The following NSRP1 variants were observed in gnomAD, a reference collection of about 807,000 sequenced individuals.
NSRP1 encodes coiled-coil domain containing 55.
Under a neutral mutation model 54.7 loss-of-function variants are expected in NSRP1, and 24 were observed. The observed-to-expected ratio is 0.44, with a 90% CI of 0.32 to 0.62. The LOEUF (loss-of-function observed/expected upper bound fraction) is 0.62. NSRP1 is among the 20% of genes least tolerant of loss of function. The pLI is 0.06. For synonymous variants in NSRP1, 210 were observed against 213.8 expected, an observed-to-expected ratio of 0.98 and a Z score of 0.15; for missense variants, 596 against 651.2, an observed-to-expected ratio of 0.92 and a Z score of 0.92.
intron 1 of NSRP1, among the ~76,000 whole-genome samples, chr17:30,117,735 T>C (rs1037302025): frequency 6.6e-6 from 1 of 151,362 alleles, no homozygotes; most frequent in Admixed American, 6.6e-5. Flanking sequence ...TTAGTGGACA[T>C]GAACTAAACT....
At chr17:30,155,418 T>C (rs2071952540) in intron 2 of NSRP1, among the ~76,000 whole-genome samples, 1 of 152,236 alleles carries the variant, frequency 6.6e-6, no homozygotes, top group South Asian at 2.1e-4. Flanking sequence ...CTGTTCAATA[T>C]GATATTTTTC....
chr17:30,137,275 C>T (rs2071758782), intron 2 of NSRP1, among the ~76,000 whole-genome samples: 1 of 152,310 alleles, frequency 6.6e-6, no homozygotes, highest in African/African-American at 2.4e-5. Flanking sequence ...GCAATCCTCT[C>T]TACTGAGTTT....
intron 6 of NSRP1, among the ~76,000 whole-genome samples, chr17:30,182,766 C>T (rs904141223): frequency 1.3e-5 from 2 of 151,926 alleles, no homozygotes; most frequent in Non-Finnish European, 2.9e-5. Context: ...AATCCCGTCT[C>T]TACTAAAAAT....
At chr17:30,145,868 T>C (rs921755762) in intron 2 of NSRP1, among the ~76,000 whole-genome samples, 4 of 152,176 alleles carry the variant, frequency 2.6e-5, no homozygotes, top group Non-Finnish European at 5.9e-5. Flanking sequence ...TGTTTTGTTT[T>C]AGACAAGGAC....
chr17:30,158,141 C>T lies in NSRP1; in HGVS notation c.115-14401C>T, dbSNP rs555869746. Among the ~76,000 whole-genome samples, 5 of 152,086 alleles carry T rather than the reference C, an allele frequency of 3.3e-5. No homozygotes were observed. In the South Asian group the frequency reaches 1.0e-3, roughly 32 times the overall value. ...TTTTCTTACCAGCATCTGTTATTTC[C>T]TGTCTTTTTAATAATAGAGGTTCCA... On this transcript the variant is annotated intron_variant, in intron 2 of 6. Coordinates refer to ENST00000247026, the MANE Select transcript of NSRP1 (RefSeq NM_032141.4).
chr17:30,154,854 T>C (rs2071946680), intron 2 of NSRP1, among the ~76,000 whole-genome samples: 1 of 152,206 alleles, frequency 6.6e-6, no homozygotes, highest in South Asian at 2.1e-4. Context: ...TCCAAAATGC[T>C]TCTTTGAGCA....
intron 6 of NSRP1, among the ~76,000 whole-genome samples, chr17:30,183,235 T>G (rs1324491797): frequency 1.3e-5 from 2 of 152,086 alleles, no homozygotes; most frequent in East Asian, 3.9e-4. Flanking sequence ...AAAAAAATTT[T>G]TTTTAACAGG....
chr17:30,134,255 T>G (rs2151882925), intron 2 of NSRP1, among the ~76,000 whole-genome samples: 1 of 152,312 alleles, frequency 6.6e-6, no homozygotes, highest in East Asian at 1.9e-4. Flanking sequence ...CCCAAACAGA[T>G]ACGTTAATAA....
chr17:30,185,821 T>TA lies in NSRP1; in HGVS notation c.*148dup. 5 of 826,474 alleles carry TA rather than the reference T, an allele frequency of 6.0e-6. No individual in the cohort carries two copies. The highest frequency in any genetic ancestry group is 2.7e-5 in the East Asian group (1 of 36,862). The allele number at this position is 826,474 out of a possible 1,614,324, so 51.2% of individuals were successfully genotyped here. A position where few individuals can be genotyped will look rare whatever the true frequency, so the allele number is the denominator to read the frequency against. On this transcript the variant is annotated 3_prime_UTR_variant, in exon 7 of 7. Transcript: ENST00000247026. ...AAAATTTTAAGTTAAAAGTCAGTCT[T>TA]ACAGCTTGGATGTTTGGATGTGGAT...
chr17:30,134,276 T>C (rs2071728628), intron 2 of NSRP1, among the ~76,000 whole-genome samples: 1 of 152,180 alleles, frequency 6.6e-6, no homozygotes, highest in South Asian at 2.1e-4. Flanking sequence ...CACCAAAGAT[T>C]GTTGATTACA....
chr17:30,124,571 G>T (rs1290339843), intron 2 of NSRP1, among the ~76,000 whole-genome samples: 1 of 152,194 alleles, frequency 6.6e-6, no homozygotes, highest in Non-Finnish European at 1.5e-5. Flanking sequence ...GGCATGATGA[G>T]GCAGTCGAGA....
intron 6 of NSRP1, among the ~76,000 whole-genome samples, chr17:30,181,970 C>G (rs905935581): frequency 6.6e-6 from 1 of 150,958 alleles, no homozygotes; most frequent in African/African-American, 2.4e-5. Context: ...TCTTGAACTC[C>G]TGGGTTTGAG....
chr17:30,152,720 C>G (rs1435046104), intron 2 of NSRP1, among the ~76,000 whole-genome samples: 1 of 151,728 alleles, frequency 6.6e-6, no homozygotes, highest in Non-Finnish European at 1.5e-5. Flanking sequence ...TTGGAAGATA[C>G]ATTGTTAAAA....
chr17:30,127,087 A>G (rs2071656866), intron 2 of NSRP1, among the ~76,000 whole-genome samples: 1 of 152,230 alleles, frequency 6.6e-6, no homozygotes, highest in Non-Finnish European at 1.5e-5. Context: ...TTTATTTACA[A>G]AAATGGAGAT....
chr17:30,145,557 T>G (rs1346498497), intron 2 of NSRP1, among the ~76,000 whole-genome samples: 1 of 152,180 alleles, frequency 6.6e-6, no homozygotes, highest in African/African-American at 2.4e-5. Flanking sequence ...CACTCCATCC[T>G]GGCAACAGAG....
At chr17:30,152,157 C>G (rs1386625322) in intron 2 of NSRP1, among the ~76,000 whole-genome samples, 2 of 147,142 alleles carry the variant, frequency 1.4e-5, no homozygotes, top group African/African-American at 2.5e-5. Context: ...GAGTCTGTCT[C>G]TGTTGCCCAG....
intron 2 of NSRP1, among the ~76,000 whole-genome samples, chr17:30,161,574 C>T (rs1055829549): frequency 3.3e-5 from 5 of 152,042 alleles, no homozygotes; most frequent in African/African-American, 1.2e-4. Flanking sequence ...ATGTGGAAAA[C>T]AGAAAATTTT....
chr17:30,185,409 G>T lies in NSRP1; in HGVS notation c.1412G>T (p.Arg471Ile). 6.2e-7 allele frequency: 1 copy of T among 1,610,530 alleles called. No individual in the cohort carries two copies. Among genetic ancestry groups the T allele is most frequent in the South Asian group, 1.1e-5 (1 of 89,926 alleles). The change falls in exon 7 of 7, where the codon AGA becomes ATA. Residue 471 changes from arginine to isoleucine, a missense_variant. Physicochemically the swap from Arg to Ile is moderately conservative, Grantham distance 97. Coordinates refer to ENST00000247026, the MANE Select transcript of NSRP1 (RefSeq NM_032141.4). ...RAKDKFLDQE[R>I]SNKMRNMAKD... ...AAGGATAAATTTCTTGACCAAGAAA[G>T]ATCCAACAAAATGAGAAACATGGCA...
intron 6 of NSRP1, among the ~76,000 whole-genome samples, chr17:30,181,380 T>G (rs9889879): frequency 0.055 from 8,215 of 149,454 alleles, 387 homozygotes; most frequent in African/African-American, 0.13. Flanking sequence ...AAAATCAAAT[T>G]GTAGTTTTTT....
Sources: allele counts gnomAD v4.1 joint callset (sites outside exome capture counted in the v4.1 genomes callset), GRCh38; gene constraint gnomAD v4.1.1; transcripts MANE v1.5; gene names NCBI Gene and HGNC (gene_info 2026-07-23, HGNC 2026-07-21).